Variants in USP34 observed in about 807,000 individuals in gnomAD.
USP34 encodes the protein ubiquitin carboxyl-terminal hydrolase 34.
USP34 carries 70 observed loss-of-function variants against 460.3 expected under a neutral mutation model. The ratio of observed to expected loss-of-function variants is 0.15; its 90% CI spans 0.13 to 0.19. The LOEUF is 0.19. Among genes scored for constraint, USP34 ranks in the 10% least tolerant of loss-of-function variants. USP34 has a pLI of 1.00. For missense variants in USP34, 3,985 were observed against 4,236.2 expected (o/e 0.94, Z 1.65); for synonymous variants, 1,647 against 1,405.3 (o/e 1.17, Z -3.85).
rs11888793 is a variant in USP34 at position 61,203,907 on chromosome 2, A to T, written c.9384+349T>A. On this transcript the variant is annotated intron_variant, in intron 74 of 79. Coordinates refer to ENST00000398571, the MANE Select transcript of USP34 (RefSeq NM_014709.4). ...GAATATAATTTAAGGGAAGTAGAAG[A>T]AGTCATTGATTATATGGCCAAATTA... 8.8e-3 allele frequency among the ~76,000 whole-genome samples: 1,328 copies of T among 150,178 alleles called. 20 individuals are homozygous for T. Among genetic ancestry groups the T allele is most frequent in the African/African-American group, 0.03 (1,251 of 41,176 alleles).
chr2:61,329,340 A>G (rs1691191763), intron 20 of USP34, among the ~76,000 whole-genome samples: 1 of 152,078 alleles, frequency 6.6e-6, no homozygotes, highest in African/African-American at 2.4e-5. Flanking sequence ...TATGATTTTT[A>G]TAGAGCATAA....
chr2:61,412,746 G>A (rs1486344042), intron 2 of USP34, among the ~76,000 whole-genome samples: 2 of 151,778 alleles, frequency 1.3e-5, no homozygotes, highest in African/African-American at 4.8e-5. Context: ...TATATTAGCT[G>A]AGCATAGTGG....
intron 7 of USP34, among the ~76,000 whole-genome samples, chr2:61,378,913 G>GAAAAAAAAACAA (rs1692879905): frequency 1.7e-5 from 1 of 57,870 alleles, no homozygotes; most frequent in Non-Finnish European, 2.8e-5. Context: ...TCAAAAAAAC[G>GAAAAAAAAACAA]AAAAAAAAAA....
At chr2:61,384,397 C>T (rs890785059) in intron 5 of USP34, among the ~76,000 whole-genome samples, 4 of 152,100 alleles carry the variant, frequency 2.6e-5, no homozygotes, top group African/African-American at 7.2e-5. Context: ...TGGACAGGCG[C>T]GGTGGCTCAT....
chr2:61,443,379 C>G (rs1254151878), intron 1 of USP34, among the ~76,000 whole-genome samples: 2 of 151,888 alleles, frequency 1.3e-5, no homozygotes, highest in Non-Finnish European at 2.9e-5. Flanking sequence ...CAACACATCA[C>G]TATATGATGA....
At chr2:61,421,573 G>A (rs1265918058) in intron 1 of USP34, among the ~76,000 whole-genome samples, 1 of 152,124 alleles carries the variant, frequency 6.6e-6, no homozygotes, top group South Asian at 2.1e-4. Context: ...GTATGTACAA[G>A]AAAGCATTTT....
chr2:61,190,680 T>G, intron 76 of USP34, 22 bp from the exon 77 acceptor site: 3 of 1,606,670 alleles, frequency 1.9e-6, no homozygotes, highest in Non-Finnish European at 1.7e-6. Context: ...AGAAGATGGT[T>G]GAGCACTTAC....
chr2:61,214,505 A>G lies in USP34; in HGVS notation c.8237T>C (p.Val2746Ala), dbSNP rs768907860. The G allele has an allele frequency of 3.1e-6, 5 of 1,613,588 alleles. No individual in the cohort carries two copies. The South Asian group carries it at 5.5e-5, about 18-fold the overall frequency. Residue 2746 changes from valine (V) to alanine (A), a missense_variant, in exon 68 of 80, where the codon GTT (valine) becomes GCT (alanine). Physicochemically the swap from Val to Ala is moderately conservative, Grantham distance 64. Transcript: ENST00000398571. ...SRAKLYVDAA[V>A]HGTTKLVPYF... ...GGGCACTAGCTTTGTAGTGCCATGAACAGCAGCATCAACATAAAGTTTGGC... is the reference window on the plus strand; with the variant it reads ...GGGCACTAGCTTTGTAGTGCCATGAGCAGCAGCATCAACATAAAGTTTGGC...
At chr2:61,339,178 G>A (rs1225309884) in intron 18 of USP34, among the ~76,000 whole-genome samples, 173 bp downstream of exon 18, 1 of 152,104 alleles carries the variant, frequency 6.6e-6, no homozygotes, top group Non-Finnish European at 1.5e-5. Context: ...GCTAAAATAT[G>A]AACCATGTTA....
intron 10 of USP34, among the ~76,000 whole-genome samples, chr2:61,356,951 C>A (rs1692126541): frequency 6.6e-6 from 1 of 151,898 alleles, no homozygotes; most frequent in African/African-American, 2.4e-5. Context: ...GAAGATATGA[C>A]CATAAACATT....
intron 6 of USP34, among the ~76,000 whole-genome samples, chr2:61,381,709 A>G (rs1206219200): frequency 6.6e-6 from 1 of 152,140 alleles, no homozygotes; most frequent in Non-Finnish European, 1.5e-5. Context: ...ACAGAGCTCT[A>G]TCTTAGACTC....
chr2:61,362,347 T>C (rs914291430), intron 10 of USP34, among the ~76,000 whole-genome samples: 1 of 152,134 alleles, frequency 6.6e-6, no homozygotes, highest in Non-Finnish European at 1.5e-5. Context: ...CTCAGAGATA[T>C]CTTCACTCTC....
At chr2:61,353,047 G>C (rs1255971463) in intron 10 of USP34, among the ~76,000 whole-genome samples, 3 of 152,162 alleles carry the variant, frequency 2.0e-5, no homozygotes, top group African/African-American at 7.2e-5. Flanking sequence ...AGCTGCTACT[G>C]CTACCCATTT....
rs201301759 is a variant in USP34 at position 61,283,455 on chromosome 2, A to G, written c.4833-6T>C. 59 of 1,605,526 alleles carry G rather than the reference A, an allele frequency of 3.7e-5. No homozygotes were observed. In the East Asian group the frequency reaches 1.2e-3, roughly 32 times the overall value. ...CAGACTGAGCTTTTAAAACTCTGTA[A>G]AGTAAAAACACCACCACCACCAATT... On this transcript the variant is annotated splice_region_variant and splice_polypyrimidine_tract_variant and intron_variant, in intron 35 of 79. Transcript: ENST00000398571.
rs184997006 is a variant in USP34, at chr2:61,463,689, C to T, written c.43+6961G>A. On this transcript the variant is annotated intron_variant, in intron 1 of 79. Transcript: ENST00000398571. ...CATCGACTAAAATTACAAAAATTAG[C>T]CAGGCATGGTGGTGCATGCCTGTAA... 2.7e-3 allele frequency among the ~76,000 whole-genome samples: 418 copies of T among 152,092 alleles called. 1 individual carries two copies. The highest frequency in any genetic ancestry group is 9.4e-3 in the African/African-American group (389 of 41,494).
At chr2:61,265,613 G>C in intron 42 of USP34, 56 bp from the exon 43 acceptor site, 1 of 1,531,236 alleles carries the variant, frequency 6.5e-7, no homozygotes, top group Non-Finnish European at 8.8e-7. Context: ...GAAACACAAT[G>C]TATTTTGCTT....
At chr2:61,412,680 G>A (rs1293242965) in intron 2 of USP34, among the ~76,000 whole-genome samples, 1 of 151,866 alleles carries the variant, frequency 6.6e-6, no homozygotes, top group African/African-American at 2.4e-5. Flanking sequence ...CTTGAACCCA[G>A]GAGTTCAAGA....
At chr2:61,315,395 C>G (rs1024791587) in intron 23 of USP34, among the ~76,000 whole-genome samples, 1 of 149,064 alleles carries the variant, frequency 6.7e-6, no homozygotes, top group Admixed American at 6.7e-5. Flanking sequence ...TTTTTGAGAA[C>G]AGAGTCTCAC....
Position 61,314,638 on chromosome 2 carries a change from A to C in USP34, c.3489T>G (p.Val1163=), listed in dbSNP as rs1270722099. Residue 1163 remains valine (V), a synonymous_variant, in exon 25 of 80, where the codon GTT becomes GTG. Coordinates refer to ENST00000398571, the MANE Select transcript of USP34 (RefSeq NM_014709.4). ...LEQESHSSLM[V]IERGLLMLKT... is the part of the protein sequence containing the mutation. ...TCAGCATAAGGAGTCCTCTTTCTAT[A>C]ACCATGAGACTTGAGTGTGATTCCT... 15 of 1,597,444 alleles carry C rather than the reference A, an allele frequency of 9.4e-6. No homozygotes were observed. In the South Asian group the frequency reaches 1.6e-4, roughly 17 times the overall value.
Sources: allele counts gnomAD v4.1 joint callset (sites outside exome capture counted in the v4.1 genomes callset), GRCh38; gene constraint gnomAD v4.1.1; transcripts MANE v1.5; gene names NCBI Gene and HGNC (gene_info 2026-07-23, HGNC 2026-07-21).